The following EML3 variants were observed in gnomAD, a reference collection of about 807,000 sequenced individuals.
The protein encoded by EML3 is echinoderm microtubule-associated protein-like 3.
EML3 carries 53 observed loss-of-function variants against 106.7 expected under a neutral mutation model. The ratio of observed to expected loss-of-function variants is 0.50; its 90% CI spans 0.40 to 0.62. The LOEUF is 0.62. Ranked by LOEUF, EML3 falls within the 20% of genes least tolerant of loss-of-function variation. EML3 has a pLI of 0.00. For missense variants in EML3, 994 were observed against 1,209.1 expected (o/e 0.82, Z 2.64); for synonymous variants, 499 against 489.6 (o/e 1.02, Z -0.25).
rs932233491 is a variant in EML3 at position 62,612,526 on chromosome 11, G to C, written c.-69C>G. 7.5e-7 allele frequency: 1 copy of C among 1,330,158 alleles called. No individual in the cohort carries two copies. Among genetic ancestry groups the C allele is most frequent in the Non-Finnish European group, 9.6e-7 (1 of 1,043,972 alleles). The allele number at this position is 1,330,158 out of a possible 1,614,324, so 82.4% of individuals were successfully genotyped here. On this transcript the variant is annotated 5_prime_UTR_variant, in exon 1 of 22. Transcript: ENST00000394773. ...CTAAGCCGCGGGGGCCACGGCCGGG[G>C]AGAGGGGAAGGGGAAGCACCCCGGG...
intron 11 of EML3, 142 bp downstream of exon 11, chr11:62,607,524 C>G (rs1590751656): frequency 1.0e-6 from 1 of 987,796 alleles, no homozygotes; most frequent in East Asian, 2.6e-5. Flanking sequence ...GTGACAAGAG[C>G]AAGACTCCGT....
At chr11:62,608,392 G>A (rs961693507) in intron 9 of EML3, 96 bp from the exon 10 acceptor site, 3 of 1,385,258 alleles carry the variant, frequency 2.2e-6, no homozygotes, top group Non-Finnish European at 3.1e-6. Context: ...AGATGGAGAG[G>A]GCAGAAAAAG....
chr11:62,606,888 A>C lies in EML3; in HGVS notation c.1504+70T>G. 6 of 1,435,330 alleles carry C rather than the reference A, an allele frequency of 4.2e-6. No individual in the cohort carries two copies. The South Asian group carries it at 8.2e-5, about 20-fold the overall frequency. The allele number at this position is 1,435,330 out of a possible 1,614,324, so 88.9% of individuals were successfully genotyped here. On this transcript the variant is annotated intron_variant, in intron 12 of 21. Coordinates refer to ENST00000394773, the MANE Select transcript of EML3 (RefSeq NM_153265.3). Reference sequence around the variant, plus strand: ...AAAAAAAAAAAAGATGGGAATGGGAAACCCTCTCCTCTGTTCCCACAGAAC... The same window carrying C: ...AAAAAAAAAAAAGATGGGAATGGGACACCCTCTCCTCTGTTCCCACAGAAC...
At chr11:62,609,332 G>A (rs993432840) in intron 6 of EML3, 22 bp downstream of exon 6, 2 of 1,543,138 alleles carry the variant, frequency 1.3e-6, no homozygotes, top group Non-Finnish European at 1.7e-6. Context: ...TGGTTCTCAT[G>A]GGACTGGAAG....
chr11:62,606,461 G>A (rs1330813103), intron 12 of EML3: 2 of 571,268 alleles, frequency 3.5e-6, no homozygotes, highest in South Asian at 2.2e-5. Context: ...ATCTGAACCT[G>A]AGATCTGGCA....
In EML3 at chr11:62,602,220, G is replaced by A. The variant is rs929437396; in HGVS notation, c.*255C>T. On this transcript the variant is annotated 3_prime_UTR_variant, in exon 22 of 22. Transcript: ENST00000394773. The stretch of plus-strand genomic sequence containing the variant: ...GCGCCCCACAAAAGCACCGGGAGGC[G>A]ACTTTGGTTCTGGTTTATTGCCCCT... 6.6e-7 allele frequency: 1 copy of A among 1,514,532 alleles called. No individual in the cohort carries two copies. The highest frequency in any genetic ancestry group is 8.9e-7 in the Non-Finnish European group (1 of 1,128,352). The allele number at this position is 1,514,532 out of a possible 1,614,324, so 93.8% of individuals were successfully genotyped here.
rs1450580151 is a variant in EML3 at position 62,602,837 on chromosome 11, G to C, written c.2409C>G (p.Ser803=). The C allele has an allele frequency of 6.8e-6, 11 of 1,606,232 alleles. No individual in the cohort carries two copies. In the African/African-American group the frequency reaches 1.3e-4, roughly 20 times the overall value. The stretch of plus-strand genomic sequence containing the variant: ...CCACCGCCACCACGCGCTCGTTGTG[G>C]GAGCGGCACAGGGAGTTGATGTCGG... ...DGTDINSLCR[S]HNERVVAVAD... The change falls in exon 21 of 22, where the codon TCC becomes TCG. Residue 803 remains serine (S), a synonymous_variant. Coordinates refer to ENST00000394773, the MANE Select transcript of EML3 (RefSeq NM_153265.3).
Position 62,609,050 on chromosome 11 carries a change from C to T in EML3, c.841G>A (p.Val281Met), listed in dbSNP as rs1942678029. Residue 281 changes from valine (V) to methionine (M), a missense_variant, in exon 7 of 22, where the codon GTG (valine) becomes ATG (methionine). Val to Met is a conservative substitution (Grantham distance 21). Around this residue, in one of 3 missense-constraint regions of EML3, gnomAD observed 713 missense variants for 920.5 expected, o/e 0.77. Coordinates refer to ENST00000394773, the MANE Select transcript of EML3 (RefSeq NM_153265.3). ...GEVVYFIACVVVLYRPGGGPG... is the reference protein window; with the variant it reads ...GEVVYFIACVMVLYRPGGGPG... The stretch of plus-strand genomic sequence containing the variant: ...CCTCCTCCAGGCCGGTACAGCACCA[C>T]CACACAGGCGATAAAGTAGACCACC... 1 of 1,614,074 alleles carries T rather than the reference C, an allele frequency of 6.2e-7. No individual in the cohort carries two copies. The highest frequency in any genetic ancestry group is 8.5e-7 in the Non-Finnish European group (1 of 1,180,030).
chr11:62,602,797 T>G lies in EML3; in HGVS notation c.2449A>C (p.Lys817Gln), dbSNP rs771338685. The G allele has an allele frequency of 6.2e-7, 1 of 1,611,310 alleles. No individual in the cohort carries two copies. The highest frequency in any genetic ancestry group is 1.7e-5 in the Admixed American group (1 of 59,912). ...RVVAVADDFC[K>Q]VHLFQYPCAR... ...CACGGGTACTGGAAGAGATGCACTT[T>G]GCAGAAGTCGTCGGCCACCGCCACC... The change falls in exon 21 of 22, where the codon AAA becomes CAA. Residue 817 changes from lysine to glutamine, a missense_variant. Coordinates refer to ENST00000394773, the MANE Select transcript of EML3 (RefSeq NM_153265.3).
intron 11 of EML3, chr11:62,607,306 A>G: frequency 1.9e-6 from 1 of 533,368 alleles, no homozygotes. Flanking sequence ...GTGATAGAGC[A>G]AGGCACTGTC....
rs1020508992 is a variant in EML3, at chr11:62,602,467, G to A, written c.*8C>T. 5.2e-6 allele frequency: 8 copies of A among 1,542,236 alleles called. No individual in the cohort carries two copies. The highest frequency in any genetic ancestry group is 2.4e-5 in the South Asian group (2 of 83,736). On this transcript the variant is annotated 3_prime_UTR_variant, in exon 22 of 22. Coordinates refer to ENST00000394773, the MANE Select transcript of EML3 (RefSeq NM_153265.3). ...GCCGCCGGGCCAGTCGGTCCCGCCA[G>A]GCAGCGATCAAACGTCGAGGGAGGA...
chr11:62,603,412 G>C (rs1006212833), intron 19 of EML3, among the ~76,000 whole-genome samples, 165 bp from the exon 20 acceptor site: 1 of 152,120 alleles, frequency 6.6e-6, no homozygotes, highest in Non-Finnish European at 1.5e-5. Flanking sequence ...CCCTGTGTGC[G>C]TCCTGTCCTG....
chr11:62,608,876 C>A (rs1269853478), intron 7 of EML3, 71 bp from the exon 8 acceptor site: 1 of 1,579,806 alleles, frequency 6.3e-7, no homozygotes, highest in Non-Finnish European at 8.6e-7. Context: ...TCCAAGCTTG[C>A]AGAGCAGCAA....
chr11:62,607,400 C>T, intron 11 of EML3: 1 of 460,834 alleles, frequency 2.2e-6, no homozygotes, highest in Non-Finnish European at 3.8e-6. Flanking sequence ...CAAAAATCAG[C>T]CGGCGCGCAT....
At position 62,605,680 on chromosome 11, in the gene EML3, C is replaced by T; in HGVS notation, c.1876G>A (p.Gly626Arg). ...CTCCAGGCCAGTGCATGGCTCTCCC[C>T]ATCCCACAGGCAGAGCTGCCGGTCG... ...GHDRQLCLWD[G>R]ESHALAWSID... is the part of the protein sequence containing the mutation. Residue 626 changes from glycine to arginine, a missense_variant, in exon 15 of 22, where the codon GGG becomes AGG. By Grantham distance (125) the Gly-to-Arg change is moderately radical. This residue lies in a region of EML3 where 713 missense variants were observed against 920.5 expected (regional missense o/e 0.77). Transcript: ENST00000394773. The surrounding 1 kb of genome is among the most constrained non-coding windows in gnomAD (Gnocchi z 5.2). The T allele has an allele frequency of 6.3e-7, 1 of 1,590,776 alleles. No homozygotes were observed. Among genetic ancestry groups the T allele is most frequent in the Non-Finnish European group, 8.6e-7 (1 of 1,168,208 alleles).
chr11:62,606,900 T>C (rs1027447440), intron 12 of EML3, 58 bp downstream of exon 12: 70 of 1,511,388 alleles, frequency 4.6e-5, no homozygotes, highest in Non-Finnish European at 6.2e-5. Context: ...CCCTCTCCTC[T>C]GTTCCCACAG....
In EML3 at chr11:62,603,129, G is replaced by A; in HGVS notation, c.2356+20C>T. ...ACCTTGTCCCCCACCCTTCCAGCAG[G>A]TTTCCACGCCCCTGCTCACCGTAGA... On this transcript the variant is annotated intron_variant, in intron 20 of 21. Coordinates refer to ENST00000394773, the MANE Select transcript of EML3 (RefSeq NM_153265.3). 1 of 1,613,462 alleles carries A rather than the reference G, an allele frequency of 6.2e-7. No individual in the cohort carries two copies. The highest frequency in any genetic ancestry group is 8.5e-7 in the Non-Finnish European group (1 of 1,179,694).
intron 10 of EML3, 23 bp downstream of exon 10, chr11:62,608,178 T>C (rs1398723849): frequency 1.3e-6 from 2 of 1,599,046 alleles, no homozygotes; most frequent in Non-Finnish European, 1.7e-6. Context: ...TCAGAGCCCC[T>C]CCAAGCCACA....
At chr11:62,611,629 C>T (rs2134411734) in intron 1 of EML3, 33 bp from the exon 2 acceptor site, 1 of 1,594,894 alleles carries the variant, frequency 6.3e-7, no homozygotes. Context: ...TCAGAATGTA[C>T]CCATCACCTG....
Sources: allele counts gnomAD v4.1 joint callset (sites outside exome capture counted in the v4.1 genomes callset), GRCh38; gene constraint gnomAD v4.1.1; regional missense constraint gnomAD v4.1.1; non-coding constraint Gnocchi (gnomAD v3.1); transcripts MANE v1.5; gene names NCBI Gene and HGNC (gene_info 2026-07-23, HGNC 2026-07-21).